Variants in MACROD2 observed in about 807,000 individuals in gnomAD.
MACROD2 encodes the protein ADP-ribose glycohydrolase MACROD2.
In MACROD2, 36 loss-of-function variants were observed where a neutral mutation model predicts 70.4. That is an observed-to-expected ratio of 0.51 (90% confidence interval 0.39 to 0.68). The LOEUF (loss-of-function observed/expected upper bound fraction) is 0.68. Among genes scored for constraint, MACROD2 ranks in the 30% least tolerant of loss-of-function variants. The probability of loss-of-function intolerance (pLI) is 0.00; values close to 1 mark genes in which losing one functional copy is unlikely to be tolerated. For missense variants in MACROD2, 496 were observed against 538.4 expected (o/e 0.92, Z 0.78); for synonymous variants, 172 against 178.8 (o/e 0.96, Z 0.30).
chr20:15,743,233 C>A (rs553903389), intron 8 of MACROD2, among the ~76,000 whole-genome samples: 1 of 152,114 alleles, frequency 6.6e-6, no homozygotes, highest in Non-Finnish European at 1.5e-5. Flanking sequence ...AGAATCCCCA[C>A]GAGGATCTCA....
intron 5 of MACROD2, among the ~76,000 whole-genome samples, chr20:15,188,561 T>G (rs1293601577): frequency 6.6e-6 from 1 of 152,210 alleles, no homozygotes; most frequent in Admixed American, 6.5e-5. Context: ...ATTCTTCTCT[T>G]CATACTTTTC....
At chr20:16,016,971 C>T (rs6080094) in intron 15 of MACROD2, among the ~76,000 whole-genome samples, 1 of 152,192 alleles carries the variant, frequency 6.6e-6, no homozygotes, top group Admixed American at 6.5e-5. Context: ...CTCCTCCACC[C>T]TCAACCTAAT....
In MACROD2 at chr20:15,674,138, C is replaced by T. The variant is rs140304859; in HGVS notation, c.645+174291C>T. Reference sequence around the variant, plus strand: ...TCTAACAATCTCAGAAGTGGCTGATCCATGGACCACACCGAGTAGCAAAAA... The same window carrying T: ...TCTAACAATCTCAGAAGTGGCTGATTCATGGACCACACCGAGTAGCAAAAA... On this transcript the variant is annotated intron_variant, in intron 8 of 17. Coordinates refer to ENST00000684519, the MANE Select transcript of MACROD2 (RefSeq NM_001351661.2). Among the ~76,000 whole-genome samples the T allele has an allele frequency of 1.8e-3, 276 of 152,116 alleles. 4 individuals carry two copies. Among genetic ancestry groups the T allele is most frequent in the Middle Eastern group, 6.8e-3 (2 of 294 alleles).
At chr20:15,655,802 C>A (rs2049721187) in intron 8 of MACROD2, among the ~76,000 whole-genome samples, 1 of 152,148 alleles carries the variant, frequency 6.6e-6, no homozygotes, top group African/African-American at 2.4e-5. Flanking sequence ...AAGTAAGAAG[C>A]TGGGGTCTGG....
intron 4 of MACROD2, among the ~76,000 whole-genome samples, chr20:14,590,628 G>A (rs776725122): frequency 1.6e-4 from 25 of 152,068 alleles, no homozygotes; most frequent in South Asian, 2.1e-4. Flanking sequence ...TATTTTTCCC[G>A]TATCTGTATA....
chr20:14,310,593 A>G (rs1011644026), intron 3 of MACROD2, among the ~76,000 whole-genome samples: 1 of 152,152 alleles, frequency 6.6e-6, no homozygotes, highest in South Asian at 2.1e-4. Flanking sequence ...TGACTATCTT[A>G]CTAGTTTATG....
chr20:15,474,413 G>A (rs1432349349), intron 7 of MACROD2, among the ~76,000 whole-genome samples: 1 of 152,244 alleles, frequency 6.6e-6, no homozygotes, highest in African/African-American at 2.4e-5. Context: ...AGCGGGGATA[G>A]TGTGAGCAAA....
At chr20:14,143,459 C>A (rs945104822) in intron 3 of MACROD2, among the ~76,000 whole-genome samples, 1 of 151,862 alleles carries the variant, frequency 6.6e-6, no homozygotes, top group Non-Finnish European at 1.5e-5. Context: ...TCAGTGGAGT[C>A]AGCATTTTAT....
chr20:15,290,001 A>G (rs989602139), intron 6 of MACROD2, among the ~76,000 whole-genome samples: 1 of 152,232 alleles, frequency 6.6e-6, no homozygotes, highest in African/African-American at 2.4e-5. Context: ...AGGCAATAAC[A>G]TTCCCTGAGC....
intron 4 of MACROD2, among the ~76,000 whole-genome samples, chr20:14,653,761 T>G (rs1249504411): frequency 6.6e-6 from 1 of 152,176 alleles, no homozygotes; most frequent in Non-Finnish European, 1.5e-5. Flanking sequence ...ATTCCTTGCC[T>G]TTATTCTGGC....
At chr20:15,648,446 G>A (rs2146789728) in intron 8 of MACROD2, among the ~76,000 whole-genome samples, 1 of 152,160 alleles carries the variant, frequency 6.6e-6, no homozygotes, top group Non-Finnish European at 1.5e-5. Context: ...TCTCATCTCT[G>A]TGGCAATGTC....
intron 5 of MACROD2, among the ~76,000 whole-genome samples, chr20:15,208,857 G>A (rs1233951261): frequency 1.3e-5 from 2 of 152,146 alleles, no homozygotes. Flanking sequence ...ACATTATATG[G>A]GGAGGGGGGT....
At chr20:15,145,611 A>T (rs1175068580) in intron 5 of MACROD2, among the ~76,000 whole-genome samples, 1 of 152,178 alleles carries the variant, frequency 6.6e-6, no homozygotes, top group Non-Finnish European at 1.5e-5. Context: ...CTAGTACAGT[A>T]CAAATAAAGA....
chr20:14,272,000 G>C (rs1247963263), intron 3 of MACROD2, among the ~76,000 whole-genome samples: 1 of 152,092 alleles, frequency 6.6e-6, no homozygotes, highest in Admixed American at 6.5e-5. Flanking sequence ...TATGTGAAAA[G>C]ACCAAATCTA....
intron 8 of MACROD2, among the ~76,000 whole-genome samples, chr20:15,695,653 C>G (rs1419919830): frequency 1.3e-5 from 2 of 152,120 alleles, no homozygotes; most frequent in Non-Finnish European, 2.9e-5. Flanking sequence ...TCGTGATCCA[C>G]CCGCCTCGGC....
intron 6 of MACROD2, among the ~76,000 whole-genome samples, chr20:15,359,324 G>A (rs2078325160): frequency 6.6e-6 from 1 of 151,920 alleles, no homozygotes; most frequent in African/African-American, 2.4e-5. Context: ...ACTCAGAATG[G>A]TAGATAATTT....
chr20:14,576,368 A>G (rs1258344303), intron 4 of MACROD2, among the ~76,000 whole-genome samples: 1 of 152,112 alleles, frequency 6.6e-6, no homozygotes, highest in Non-Finnish European at 1.5e-5. Context: ...CACCTGACAG[A>G]TTTTTCCTCC....
intron 3 of MACROD2, among the ~76,000 whole-genome samples, chr20:14,130,164 T>C (rs1463757205): frequency 6.6e-6 from 1 of 152,210 alleles, no homozygotes; most frequent in African/African-American, 2.4e-5. Context: ...TTTTTATGAA[T>C]GGCTCTGATT....
intron 4 of MACROD2, among the ~76,000 whole-genome samples, chr20:14,542,392 T>C (rs2085444815): frequency 6.6e-6 from 1 of 152,254 alleles, no homozygotes; most frequent in African/African-American, 2.4e-5. Context: ...CTAAATATTT[T>C]GGATTAGAGA....
Sources: allele counts gnomAD v4.1 joint callset (sites outside exome capture counted in the v4.1 genomes callset), GRCh38; gene constraint gnomAD v4.1.1; transcripts MANE v1.5; gene names NCBI Gene and HGNC (gene_info 2026-07-23, HGNC 2026-07-21).